The following TAFA1 variants were observed in gnomAD, a reference collection of about 807,000 sequenced individuals.
TAFA1 encodes TAFA chemokine like family member 1.
In TAFA1, 4 loss-of-function variants were observed where a neutral mutation model predicts 18.5. That is an observed-to-expected ratio of 0.22 (90% CI 0.11 to 0.49). The LOEUF (loss-of-function observed/expected upper bound fraction) is 0.49, where lower values mean the gene tolerates loss of function less well. Ranked by LOEUF, TAFA1 falls within the 20% of genes least tolerant of loss-of-function variation. The pLI is 0.98. For missense variants in TAFA1, 147 were observed against 169.0 expected (o/e 0.87, Z 0.72); for synonymous variants, 56 against 55.2 (o/e 1.01, Z -0.06).
intron 2 of TAFA1, among the ~76,000 whole-genome samples, chr3:68,046,674 A>T (rs1210130902): frequency 6.6e-6 from 1 of 152,168 alleles, no homozygotes; most frequent in Non-Finnish European, 1.5e-5. Flanking sequence ...AATTCACATA[A>T]CACTTTATAT....
chr3:68,408,454 T>C (rs2070653216), intron 2 of TAFA1, among the ~76,000 whole-genome samples: 1 of 152,226 alleles, frequency 6.6e-6, no homozygotes, highest in Admixed American at 6.5e-5. Context: ...TTGCAAAAGC[T>C]ACACTTATCA....
At chr3:68,227,293 C>T (rs996431601) in intron 2 of TAFA1, among the ~76,000 whole-genome samples, 8 of 152,178 alleles carry the variant, frequency 5.3e-5, no homozygotes, top group African/African-American at 1.7e-4. Flanking sequence ...AAAAATAAAT[C>T]ATATGTCATT....
intron 2 of TAFA1, among the ~76,000 whole-genome samples, chr3:68,289,256 G>T (rs138351700): frequency 6.6e-6 from 1 of 152,092 alleles, no homozygotes; most frequent in Non-Finnish European, 1.5e-5. Context: ...CACTATATAG[G>T]TTGCACTTTC....
chr3:68,459,635 A>G (rs991690983), intron 3 of TAFA1, among the ~76,000 whole-genome samples: 4 of 152,242 alleles, frequency 2.6e-5, no homozygotes, highest in Non-Finnish European at 5.9e-5. Context: ...GAATGAAAGT[A>G]TTTGCAGTTG....
intron 2 of TAFA1, among the ~76,000 whole-genome samples, chr3:68,029,661 A>G (rs2106647819): frequency 6.6e-6 from 1 of 152,224 alleles, no homozygotes; most frequent in African/African-American, 2.4e-5. Context: ...GCCCACTTCA[A>G]TTATAGCATA....
chr3:67,998,303 T>C, the TAFA1 span, among the ~76,000 whole-genome samples: 1 of 152,170 alleles, frequency 6.6e-6, no homozygotes, highest in Admixed American at 6.5e-5. Context: ...GTCCTAAAAG[T>C]ACATATGAAA....
chr3:68,442,792 G>T (rs1026231240), intron 3 of TAFA1, among the ~76,000 whole-genome samples: 6 of 152,138 alleles, frequency 3.9e-5, no homozygotes, highest in African/African-American at 2.4e-5. Flanking sequence ...CTGCAGAAAA[G>T]AATAGATTAA....
chr3:68,282,396 G>A (rs1437379858), intron 2 of TAFA1, among the ~76,000 whole-genome samples: 1 of 149,592 alleles, frequency 6.7e-6, no homozygotes, highest in Non-Finnish European at 1.5e-5. Flanking sequence ...ATGACTTTGT[G>A]GAGTTGTGAC....
rs148043723 is a variant in TAFA1 at position 68,525,442 on chromosome 3, G to T, written c.260-13314G>T. 2.3e-3 allele frequency among the ~76,000 whole-genome samples: 357 copies of T among 152,222 alleles called. 3 individuals are homozygous for T. The highest frequency in any genetic ancestry group is 7.6e-3 in the African/African-American group (315 of 41,532). ...AGTAGTGCTGAGCATAGAGCAGGTG[G>T]TCTATAAATATTTTTTCTGATAGGT... is the stretch of plus-strand genomic sequence containing the variant. On this transcript the variant is annotated intron_variant, in intron 3 of 4. Coordinates refer to ENST00000478136, the MANE Select transcript of TAFA1 (RefSeq NM_213609.4).
At chr3:68,446,137 C>T (rs1368127874) in intron 3 of TAFA1, among the ~76,000 whole-genome samples, 1 of 152,034 alleles carries the variant, frequency 6.6e-6, no homozygotes, top group Non-Finnish European at 1.5e-5. Context: ...AAACTTCTGG[C>T]CTCAAGACGT....
At chr3:68,229,649 A>C (rs2066846204) in intron 2 of TAFA1, among the ~76,000 whole-genome samples, 1 of 152,222 alleles carries the variant, frequency 6.6e-6, no homozygotes, top group South Asian at 2.1e-4. Flanking sequence ...GTTAATCATT[A>C]CTTTTTCGTA....
At position 68,329,216 on chromosome 3, in the gene TAFA1, C is replaced by CTTTTTTTTTTTTTTTTT. The variant is rs10681423; in HGVS notation, c.119-88057_119-88041dup. Reference sequence around the variant, plus strand: ...GGTGTGCACAACCATGCCTGGCTGCCTTTTTTTTTTTTTTTTTTTTTTTGT... The same window carrying CTTTTTTTTTTTTTTTTT: ...GGTGTGCACAACCATGCCTGGCTGCCTTTTTTTTTTTTTTTTTTTTTTTTTTTTTTTTTTTTTTTTGT... On this transcript the variant is annotated intron_variant, in intron 2 of 4. Coordinates refer to ENST00000478136, the MANE Select transcript of TAFA1 (RefSeq NM_213609.4). 3.5e-3 allele frequency among the ~76,000 whole-genome samples: 313 copies of CTTTTTTTTTTTTTTTTT among 89,014 alleles called. 5 individuals carry two copies. The highest frequency in any genetic ancestry group is 6.1e-3 in the East Asian group (14 of 2,300). The allele number at this position is 89,014 out of a possible 152,430, so 58.4% of individuals were successfully genotyped here.
intron 2 of TAFA1, among the ~76,000 whole-genome samples, chr3:68,380,084 A>C (rs1196994918): frequency 1.3e-5 from 2 of 152,162 alleles, no homozygotes; most frequent in Non-Finnish European, 2.9e-5. Flanking sequence ...ATGTCCCTAC[A>C]AAGGACATGA....
chr3:68,049,850 C>T (rs1416354510), intron 2 of TAFA1, among the ~76,000 whole-genome samples: 1 of 152,040 alleles, frequency 6.6e-6, no homozygotes, highest in Non-Finnish European at 1.5e-5. Context: ...TTTCATCCCG[C>T]TCTGAATAAA....
intron 2 of TAFA1, among the ~76,000 whole-genome samples, chr3:68,171,550 CA>C (rs71112620): frequency 0.15 from 22,064 of 151,924 alleles, 1,908 homozygotes; most frequent in Middle Eastern, 0.2. Context: ...AGTCCACTAC[CA>C]AAAAAGAAAC....
intron 2 of TAFA1, among the ~76,000 whole-genome samples, chr3:68,303,327 C>A (rs187420530): frequency 1.3e-5 from 2 of 152,118 alleles, no homozygotes; most frequent in Non-Finnish European, 2.9e-5. Context: ...GCAGATTTTA[C>A]AAAGGAGGAG....
chr3:68,249,583 G>A (rs746033565), intron 2 of TAFA1, among the ~76,000 whole-genome samples: 1 of 151,824 alleles, frequency 6.6e-6, no homozygotes, highest in African/African-American at 2.4e-5. Context: ...CTGCTCAGGA[G>A]GCAAAAAAAA....
At chr3:68,346,577 A>G (rs2069168118) in intron 2 of TAFA1, among the ~76,000 whole-genome samples, 1 of 152,172 alleles carries the variant, frequency 6.6e-6, no homozygotes, top group South Asian at 2.1e-4. Flanking sequence ...AGTGTTCTTT[A>G]ACTCATGGCC....
At chr3:68,194,383 A>G (rs1017513880) in intron 2 of TAFA1, among the ~76,000 whole-genome samples, 2 of 151,788 alleles carry the variant, frequency 1.3e-5, no homozygotes, top group Non-Finnish European at 2.9e-5. Context: ...TCCGGTGTGC[A>G]AGATTGGAAT....
Sources: allele counts gnomAD v4.1 joint callset (sites outside exome capture counted in the v4.1 genomes callset), GRCh38; gene constraint gnomAD v4.1.1; transcripts MANE v1.5; gene names NCBI Gene and HGNC (gene_info 2026-07-23, HGNC 2026-07-21).